NEK7: variants seen among roughly 807,000 people sequenced by gnomAD.
NEK7 encodes the protein serine/threonine-protein kinase Nek7.
NEK7 carries 18 observed loss-of-function variants against 44.6 expected under a neutral mutation model. The observed-to-expected ratio is 0.40, with a 90% CI of 0.28 to 0.60. NEK7 has a LOEUF of 0.60. NEK7 is among the 20% of genes least tolerant of loss of function. The pLI, the probability that NEK7 is intolerant of heterozygous loss-of-function variation, is 0.38. For synonymous variants in NEK7, 130 were observed against 121.1 expected, an observed-to-expected ratio of 1.07 and a Z score of -0.48; for missense variants, 256 against 366.5, an observed-to-expected ratio of 0.70 and a Z score of 2.46.
chr1:198,259,083 A>G (rs6695599), intron 3 of NEK7, among the ~76,000 whole-genome samples: 51,237 of 152,044 alleles, frequency 0.34, 9,883 homozygotes, highest in East Asian at 0.8. Context: ...TGTGCCATCA[A>G]TGCTTATTTC....
At chr1:198,267,721 G>T (rs1653699099) in intron 5 of NEK7, among the ~76,000 whole-genome samples, 1 of 152,060 alleles carries the variant, frequency 6.6e-6, no homozygotes, top group Non-Finnish European at 1.5e-5. Flanking sequence ...GGGATTACAG[G>T]TGTGAGCCAC....
intron 1 of NEK7, among the ~76,000 whole-genome samples, chr1:198,158,902 C>G (rs972352456): frequency 6.6e-6 from 1 of 152,080 alleles, no homozygotes; most frequent in South Asian, 2.1e-4. Context: ...GGTGTTAGAG[C>G]TTTGAAAAAG....
chr1:198,317,168 A>C (rs1273049686), intron 9 of NEK7, among the ~76,000 whole-genome samples: 1 of 152,234 alleles, frequency 6.6e-6, no homozygotes, highest in Admixed American at 6.5e-5. Context: ...TTATATGGTG[A>C]TAGCCCTTTT....
chr1:198,181,685 A>G (rs1353391903), intron 1 of NEK7, among the ~76,000 whole-genome samples: 1 of 152,162 alleles, frequency 6.6e-6, no homozygotes, highest in African/African-American at 2.4e-5. Flanking sequence ...TAAATAAACA[A>G]CAACAAAAAT....
At chr1:198,292,886 C>T in intron 7 of NEK7, 59 bp from the exon 8 acceptor site, 2 of 904,908 alleles carry the variant, frequency 2.2e-6, no homozygotes, top group South Asian at 1.4e-5. Context: ...TAGTTTCTGA[C>T]CACAGCTGTA....
intron 9 of NEK7, among the ~76,000 whole-genome samples, chr1:198,297,996 G>A (rs894418367): frequency 4.6e-5 from 7 of 152,064 alleles, no homozygotes; most frequent in Non-Finnish European, 1.0e-4. Flanking sequence ...TCCCATTTTA[G>A]CCTAACGTAT....
At chr1:198,188,293 G>A (rs1265921871) in intron 1 of NEK7, among the ~76,000 whole-genome samples, 1 of 152,148 alleles carries the variant, frequency 6.6e-6, no homozygotes, top group Non-Finnish European at 1.5e-5. Flanking sequence ...CAACTTCATA[G>A]GTGATAAAAG....
At chr1:198,251,961 G>A (rs569754846) in intron 2 of NEK7, among the ~76,000 whole-genome samples, 1 of 152,208 alleles carries the variant, frequency 6.6e-6, no homozygotes, top group East Asian at 1.9e-4. Context: ...TTTTAATTGT[G>A]ATGTTAAGGT....
At position 198,322,385 on chromosome 1, in the gene NEK7, A is replaced by G. The variant is rs757648827; in HGVS notation, c.*2863A>G. The G allele has an allele frequency of 1.3e-5, 2 of 152,158 alleles. No individual in the cohort carries two copies. The highest frequency in any genetic ancestry group is 2.9e-5 in the Non-Finnish European group (2 of 67,998). The allele number at this position is 152,158 out of a possible 1,614,324, so 9.4% of individuals were successfully genotyped here. A position where few individuals can be genotyped will look rare whatever the true frequency, so the allele number is the denominator to read the frequency against. ...GAAAATTGTATAATATCCTAATATA[A>G]ACAAAAATATAAAAATAAAAATGAA... On this transcript the variant is annotated 3_prime_UTR_variant, in exon 10 of 10. Coordinates refer to ENST00000367385, the MANE Select transcript of NEK7 (RefSeq NM_133494.3).
intron 2 of NEK7, among the ~76,000 whole-genome samples, chr1:198,244,838 C>T (rs1178896982): frequency 1.3e-5 from 2 of 152,030 alleles, no homozygotes; most frequent in Middle Eastern, 3.4e-3. Context: ...CCACTTTGGT[C>T]TCTACCTTTG....
intron 1 of NEK7, among the ~76,000 whole-genome samples, chr1:198,165,274 A>G (rs970712307): frequency 6.6e-6 from 1 of 152,200 alleles, no homozygotes; most frequent in African/African-American, 2.4e-5. Context: ...TTTTAATGGC[A>G]TCTAGAATGG....
chr1:198,226,274 A>T (rs1457926411), intron 1 of NEK7, among the ~76,000 whole-genome samples: 1 of 152,050 alleles, frequency 6.6e-6, no homozygotes, highest in African/African-American at 2.4e-5. Context: ...TCTGGGCGTG[A>T]TGGCTCACCC....
At chr1:198,192,696 C>G (rs575150182) in intron 1 of NEK7, among the ~76,000 whole-genome samples, 34 of 152,208 alleles carry the variant, frequency 2.2e-4, no homozygotes, top group African/African-American at 7.0e-4. Context: ...AATTGAACAG[C>G]CTGCTCCTGA....
intron 1 of NEK7, among the ~76,000 whole-genome samples, chr1:198,168,879 C>A (rs968999181): frequency 1.3e-5 from 2 of 151,804 alleles, no homozygotes; most frequent in African/African-American, 4.8e-5. Flanking sequence ...GATGTAATGG[C>A]TGGAATAAAG....
At chr1:198,257,596 T>G (rs1653312881) in intron 3 of NEK7, among the ~76,000 whole-genome samples, 1 of 152,186 alleles carries the variant, frequency 6.6e-6, no homozygotes, top group Non-Finnish European at 1.5e-5. Context: ...CTCTATAGAC[T>G]TCCTTTCAGA....
At chr1:198,172,521 A>G (rs1558040935) in intron 1 of NEK7, among the ~76,000 whole-genome samples, 1 of 152,192 alleles carries the variant, frequency 6.6e-6, no homozygotes, top group Non-Finnish European at 1.5e-5. Flanking sequence ...ACTTTGTCCC[A>G]GTATAGTTTA....
chr1:198,242,804 TTTTAATTTTTTTTTTTGTA>T (rs1317739229), intron 2 of NEK7, among the ~76,000 whole-genome samples: 1 of 150,934 alleles, frequency 6.6e-6, no homozygotes, highest in Non-Finnish European at 1.5e-5. Context: ...GTTTTTATAT[TTTTAATTTTTTTTTTTGTA>T]TTTAATTTTT....
chr1:198,237,610 C>T (rs1421121172), intron 2 of NEK7, among the ~76,000 whole-genome samples: 1 of 152,224 alleles, frequency 6.6e-6, no homozygotes, highest in Non-Finnish European at 1.5e-5. Flanking sequence ...TTCTTCTCCA[C>T]TGCTGCTACT....
At chr1:198,317,890 T>TG (rs1490079620) in intron 9 of NEK7, among the ~76,000 whole-genome samples, 1 of 146,396 alleles carries the variant, frequency 6.8e-6, no homozygotes, top group African/African-American at 2.5e-5. Context: ...TTTTTTTTTT[T>TG]TTTTTTTTTT....
Sources: allele counts gnomAD v4.1 joint callset (sites outside exome capture counted in the v4.1 genomes callset), GRCh38; gene constraint gnomAD v4.1.1; transcripts MANE v1.5; gene names NCBI Gene and HGNC (gene_info 2026-07-23, HGNC 2026-07-21).